The following THSD7B variants were observed in gnomAD, a reference collection of about 807,000 sequenced individuals.
The protein encoded by THSD7B is thrombospondin type-1 domain-containing protein 7B.
THSD7B carries 138 observed loss-of-function variants against 213.6 expected under a neutral mutation model. The observed-to-expected ratio is 0.65, with a 90% CI of 0.56 to 0.74. The LOEUF is 0.74. Among genes scored for constraint, THSD7B ranks in the 30% least tolerant of loss-of-function variants. The pLI, the probability that THSD7B is intolerant of heterozygous loss-of-function variation, is 0.00. For synonymous variants in THSD7B, 742 were observed against 687.0 expected (o/e 1.08, Z -1.25); for missense variants, 1,931 against 1,991.5 (o/e 0.97, Z 0.58).
At chr2:136,851,984 C>T (rs1683105646) in intron 1 of THSD7B, among the ~76,000 whole-genome samples, 1 of 151,846 alleles carries the variant, frequency 6.6e-6, no homozygotes, top group African/African-American at 2.4e-5. Flanking sequence ...CAAAAAGACA[C>T]TCATATCTTA....
chr2:137,142,231 C>T (rs145578604), intron 5 of THSD7B, among the ~76,000 whole-genome samples: 14 of 152,190 alleles, frequency 9.2e-5, no homozygotes, highest in African/African-American at 3.4e-4. Context: ...AGCCTTCTTG[C>T]TGTGTTATAA....
rs374158276 is a variant in THSD7B at position 136,887,159 on chromosome 2, T to C, written c.139+4842T>C. Among the ~76,000 whole-genome samples, 30 of 152,312 alleles carry C rather than the reference T, an allele frequency of 2.0e-4. No homozygotes were observed. The East Asian group carries it at 3.5e-3, about 18-fold the overall frequency. On this transcript the variant is annotated intron_variant, in intron 2 of 27. Coordinates refer to ENST00000409968, the MANE Select transcript of THSD7B (RefSeq NM_001316349.2). ...TCAGTGATATTAGTACATCACAGTG[T>C]GGTGGAATCATCACCTCTATCTAAT...
rs537835103 is a variant in THSD7B at position 137,565,891 on chromosome 2, G to A, written c.3272+2537G>A. ...CCATCTCCAATCAACATACACATTT[G>A]AGAGATTAAGTTTTCAATATGTGAA... On this transcript the variant is annotated intron_variant, in intron 16 of 27. Coordinates refer to ENST00000409968, the MANE Select transcript of THSD7B (RefSeq NM_001316349.2). 4.6e-5 allele frequency among the ~76,000 whole-genome samples: 7 copies of A among 152,212 alleles called. No individual in the cohort carries two copies. In the South Asian group the frequency reaches 1.5e-3, roughly 32 times the overall value.
intron 1 of THSD7B, among the ~76,000 whole-genome samples, chr2:136,784,720 A>G (rs188488879): frequency 4.6e-5 from 7 of 152,358 alleles, no homozygotes; most frequent in African/African-American, 1.7e-4. Flanking sequence ...AATTGTCATC[A>G]TGATGAAATA....
At chr2:137,560,332 C>G (rs938394540) in intron 15 of THSD7B, among the ~76,000 whole-genome samples, 1 of 152,008 alleles carries the variant, frequency 6.6e-6, no homozygotes, top group Non-Finnish European at 1.5e-5. Context: ...CAATGATAGA[C>G]TGGGTTAAAA....
chr2:136,983,751 G>A (rs1009358189), intron 2 of THSD7B, among the ~76,000 whole-genome samples: 14 of 152,284 alleles, frequency 9.2e-5, no homozygotes, highest in Non-Finnish European at 1.5e-5. Flanking sequence ...AATGTGCCAC[G>A]TTGGAGTGAA....
At chr2:137,228,577 T>C (rs1260793303) in intron 7 of THSD7B, among the ~76,000 whole-genome samples, 1 of 152,186 alleles carries the variant, frequency 6.6e-6, no homozygotes, top group Non-Finnish European at 1.5e-5. Context: ...GCACCTTCAG[T>C]ATTAACTATC....
chr2:136,773,175 A>T (rs1240680083), intron 1 of THSD7B, among the ~76,000 whole-genome samples: 1 of 152,022 alleles, frequency 6.6e-6, no homozygotes, highest in Non-Finnish European at 1.5e-5. Flanking sequence ...TGCAAAGAGG[A>T]TGTGCACATT....
At chr2:137,258,545 T>G (rs1682361468) in intron 10 of THSD7B, among the ~76,000 whole-genome samples, 1 of 152,058 alleles carries the variant, frequency 6.6e-6, no homozygotes, top group South Asian at 2.1e-4. Context: ...AAATATTCCC[T>G]TCTCATTGAA....
rs112578466 is a variant in THSD7B at position 137,163,130 on chromosome 2, C to T, written c.1525+2762C>T. On this transcript the variant is annotated intron_variant, in intron 6 of 27. Coordinates refer to ENST00000409968, the MANE Select transcript of THSD7B (RefSeq NM_001316349.2). ...CAGACCCCCTCCCTTGGCCCCATTC[C>T]GCCAAGTAACATTTTTTGCCAAACT... Among the ~76,000 whole-genome samples the T allele has an allele frequency of 6.4e-4, 98 of 152,212 alleles. 1 individual carries two copies. The highest frequency in any genetic ancestry group is 7.0e-4 in the African/African-American group (29 of 41,546).
At chr2:137,453,858 C>G (rs1687705265) in intron 15 of THSD7B, among the ~76,000 whole-genome samples, 1 of 152,174 alleles carries the variant, frequency 6.6e-6, no homozygotes, top group Non-Finnish European at 1.5e-5. Context: ...TGAAAACATG[C>G]AGTATTTTGC....
At chr2:137,213,557 A>G (rs1480875234) in intron 7 of THSD7B, among the ~76,000 whole-genome samples, 1 of 150,312 alleles carries the variant, frequency 6.7e-6, no homozygotes, top group East Asian at 1.9e-4. Flanking sequence ...TAATTTATAT[A>G]TGTGGATAAT....
rs1387047838 is a variant in THSD7B, at chr2:137,546,350, CATATATATATATTATATATATATATA to C, written c.3139-16860_3139-16835del. The stretch of plus-strand genomic sequence containing the variant: ...TTCATGCATTCAGTATTGAAGTCAG[CATATATATATATTATATATATATATA>C]ATATATATATTATATATATTATATA... On this transcript the variant is annotated intron_variant, in intron 15 of 27. Transcript: ENST00000409968. 2.3e-3 allele frequency among the ~76,000 whole-genome samples: 144 copies of C among 61,390 alleles called. 9 individuals are homozygous for C. The highest frequency in any genetic ancestry group is 3.7e-3 in the Non-Finnish European group (123 of 32,862). The allele number at this position is 61,390 out of a possible 152,430, so 40.3% of individuals were successfully genotyped here.
chr2:137,493,093 C>A (rs1324856363), intron 15 of THSD7B, among the ~76,000 whole-genome samples: 1 of 123,432 alleles, frequency 8.1e-6, no homozygotes, highest in African/African-American at 3.0e-5. Flanking sequence ...TGCACTCCAG[C>A]CTGGGCAACA....
chr2:137,344,297 A>G (rs547251878), intron 12 of THSD7B, among the ~76,000 whole-genome samples: 1 of 151,706 alleles, frequency 6.6e-6, no homozygotes, highest in South Asian at 2.1e-4. Flanking sequence ...AATATTTCAG[A>G]TATTAAGCTC....
intron 17 of THSD7B, among the ~76,000 whole-genome samples, chr2:137,603,669 G>A (rs1472095304): frequency 2.0e-5 from 3 of 152,170 alleles, no homozygotes; most frequent in Non-Finnish European, 2.9e-5. Context: ...TCTCTGTTTT[G>A]CTTATTACGC....
chr2:137,032,429 G>A (rs1686693488), intron 2 of THSD7B, among the ~76,000 whole-genome samples: 1 of 152,142 alleles, frequency 6.6e-6, no homozygotes, highest in African/African-American at 2.4e-5. Context: ...CACATCTGGT[G>A]ACTTAACCCA....
At chr2:137,264,815 T>C (rs1257974482) in intron 10 of THSD7B, among the ~76,000 whole-genome samples, 1 of 151,366 alleles carries the variant, frequency 6.6e-6, no homozygotes, top group Non-Finnish European at 1.5e-5. Flanking sequence ...TTTTTTTAAA[T>C]TTTTTTTATT....
intron 2 of THSD7B, among the ~76,000 whole-genome samples, chr2:136,994,049 G>A (rs114954394): frequency 0.012 from 1,795 of 152,284 alleles, 35 homozygotes; most frequent in African/African-American, 0.041. Context: ...TATTTTAATT[G>A]TATTCTCACT....
Sources: gnomAD v4.1 joint callset for allele counts (sites outside exome capture counted in the v4.1 genomes callset) on GRCh38, gnomAD v4.1.1 for gene constraint, MANE v1.5 for transcripts, NCBI Gene and HGNC (gene_info 2026-07-23, HGNC 2026-07-21) for gene names.